Variants in RAI14 observed in about 807,000 individuals in gnomAD.
RAI14 encodes retinoic acid induced 14.
In RAI14, 45 loss-of-function variants were observed where a neutral mutation model predicts 115.4. That is an observed-to-expected ratio of 0.39 (90% CI 0.31 to 0.50). RAI14 has a LOEUF of 0.50. RAI14 is among the 20% of genes least tolerant of loss of function. RAI14 has a pLI of 0.85. For synonymous variants in RAI14, 371 were observed against 415.4 expected (o/e 0.89, Z 1.30); for missense variants, 939 against 1,131.2 (o/e 0.83, Z 2.44).
rs869028180 is a variant in RAI14, at chr5:34,750,848, A to ATTTTTTTTTTTTT, written c.37-6611_37-6599dup. Among the ~76,000 whole-genome samples the ATTTTTTTTTTTTT allele has an allele frequency of 5.6e-4, 47 of 83,612 alleles. 2 individuals carry two copies. Among genetic ancestry groups the ATTTTTTTTTTTTT allele is most frequent in the African/African-American group, 7.5e-4 (14 of 18,670 alleles). 54.9% of individuals were successfully genotyped at this position (83,612 alleles called of 152,430 possible). A position where few individuals can be genotyped will look rare whatever the true frequency, so the allele number is the denominator to read the frequency against. Reference sequence around the variant, plus strand: ...GACCTTATCCTTACTTTGCTTTATCATTTTTTTTTTTTTTTTTTTTTGAGG... The same window carrying ATTTTTTTTTTTTT: ...GACCTTATCCTTACTTTGCTTTATCATTTTTTTTTTTTTTTTTTTTTTTTTTTTTTTTTTGAGG... On this transcript the variant is annotated intron_variant, in intron 2 of 17. Transcript: ENST00000265109.
At chr5:34,739,833 G>A (rs1010625629) in intron 2 of RAI14, among the ~76,000 whole-genome samples, 3 of 151,980 alleles carry the variant, frequency 2.0e-5, no homozygotes, top group East Asian at 1.9e-4. Context: ...AGGCCGAGGC[G>A]GGCGGATCAC....
chr5:34,705,361 A>T (rs1740585011), intron 2 of RAI14, among the ~76,000 whole-genome samples: 1 of 152,202 alleles, frequency 6.6e-6, no homozygotes, highest in South Asian at 2.1e-4. Flanking sequence ...TGCTGAAATC[A>T]TCATATTTTG....
chr5:34,775,523 A>G (rs999553338), intron 3 of RAI14, among the ~76,000 whole-genome samples: 1 of 152,232 alleles, frequency 6.6e-6, no homozygotes, highest in Non-Finnish European at 1.5e-5. Flanking sequence ...GCTTTAGCCT[A>G]CGAGTTCAAG....
In RAI14 at chr5:34,829,156, C is replaced by A. The variant is rs184937890; in HGVS notation, c.2800-576C>A. Among the ~76,000 whole-genome samples the A allele has an allele frequency of 3.7e-4, 49 of 132,308 alleles. 1 individual carries two copies. In the East Asian group the frequency reaches 9.3e-3, roughly 25 times the overall value. The allele number at this position is 132,308 out of a possible 152,430, so 86.8% of individuals were successfully genotyped here. On this transcript the variant is annotated intron_variant, in intron 16 of 17. Transcript: ENST00000265109. ...ATACATATATACACACATATATAGA[C>A]ACACATACACACACACACACATACA...
At chr5:34,771,802 G>C (rs974904264) in intron 3 of RAI14, among the ~76,000 whole-genome samples, 6 of 152,018 alleles carry the variant, frequency 3.9e-5, no homozygotes, top group African/African-American at 1.5e-4. Flanking sequence ...TGAGAACACT[G>C]TTTGCTTTTT....
intron 2 of RAI14, among the ~76,000 whole-genome samples, chr5:34,694,796 A>G (rs1739020306): frequency 6.6e-6 from 1 of 152,194 alleles, no homozygotes; most frequent in Non-Finnish European, 1.5e-5. Flanking sequence ...GTATTTCCCA[A>G]TGCTGAGAAT....
chr5:34,799,515 C>G (rs1053742561), intron 4 of RAI14, among the ~76,000 whole-genome samples: 15 of 108,250 alleles, frequency 1.4e-4, no homozygotes, highest in East Asian at 4.7e-4. Context: ...CACACACACA[C>G]ACACACACAC....
intron 15 of RAI14, among the ~76,000 whole-genome samples, chr5:34,825,129 G>T (rs114599250): frequency 2.0e-5 from 3 of 152,034 alleles, no homozygotes; most frequent in Non-Finnish European, 4.4e-5. Context: ...TTAAAAATTA[G>T]CCAGGCATGG....
intron 1 of RAI14, among the ~76,000 whole-genome samples, chr5:34,660,108 C>T (rs931543247): frequency 6.6e-6 from 1 of 151,974 alleles, no homozygotes; most frequent in African/African-American, 2.4e-5. Flanking sequence ...TCCTGGATGT[C>T]AAGGCTGCAG....
At chr5:34,715,363 C>A (rs1331640470) in intron 2 of RAI14, among the ~76,000 whole-genome samples, 1 of 152,192 alleles carries the variant, frequency 6.6e-6, no homozygotes. Flanking sequence ...GATCCAGCAT[C>A]ATTTTGGGTC....
chr5:34,808,121 T>G (rs1428470178), intron 6 of RAI14, among the ~76,000 whole-genome samples: 1 of 152,244 alleles, frequency 6.6e-6, no homozygotes, highest in Non-Finnish European at 1.5e-5. Flanking sequence ...CTTTTTAAAC[T>G]AAGAGATATT....
At chr5:34,757,702 A>C (rs1460372625) in intron 3 of RAI14, 104 bp downstream of exon 3, 29 of 1,365,080 alleles carry the variant, frequency 2.1e-5, no homozygotes, top group Non-Finnish European at 2.8e-5. Flanking sequence ...CTCCCTCTCC[A>C]CTCCCATGTT....
intron 2 of RAI14, among the ~76,000 whole-genome samples, chr5:34,713,598 C>T (rs1401426935): frequency 6.6e-6 from 1 of 152,188 alleles, no homozygotes; most frequent in Non-Finnish European, 1.5e-5. Context: ...TAATGTCTCA[C>T]TGTGTTACTC....
At chr5:34,798,917 C>T (rs969539577) in intron 4 of RAI14, among the ~76,000 whole-genome samples, 4 of 152,186 alleles carry the variant, frequency 2.6e-5, no homozygotes, top group Non-Finnish European at 5.9e-5. Context: ...TCAGAGCTCC[C>T]GTCACTTCCT....
At chr5:34,668,163 G>A (rs910132595) in intron 1 of RAI14, among the ~76,000 whole-genome samples, 9 of 152,154 alleles carry the variant, frequency 5.9e-5, no homozygotes, top group Non-Finnish European at 1.0e-4. Context: ...GGAGGCTGAG[G>A]CAGGTGGATC....
At chr5:34,771,159 C>T (rs78590313) in intron 3 of RAI14, among the ~76,000 whole-genome samples, 2,524 of 152,262 alleles carry the variant, frequency 0.017, 83 homozygotes, top group African/African-American at 0.057. Context: ...CATTTCCTAA[C>T]CTCTCTGAGC....
rs776746319 is a variant in RAI14, at chr5:34,831,170, G to A, written c.*405G>A. Reference sequence around the variant, plus strand: ...TCGGGCAGTGCCATTCAGCACAGGAGAGCTCTTTTTGCCTTTGGCTTTCAA... The same window carrying A: ...TCGGGCAGTGCCATTCAGCACAGGAAAGCTCTTTTTGCCTTTGGCTTTCAA... On this transcript the variant is annotated 3_prime_UTR_variant, in exon 18 of 18. Coordinates refer to ENST00000265109, the MANE Select transcript of RAI14 (RefSeq NM_015577.3). 16 of 161,838 alleles carry A rather than the reference G, an allele frequency of 9.9e-5. No individual in the cohort carries two copies. The highest frequency in any genetic ancestry group is 1.9e-4 in the South Asian group (1 of 5,310). 10.0% of individuals were successfully genotyped at this position (161,838 alleles called of 1,614,324 possible). A position where few individuals can be genotyped will look rare whatever the true frequency, so the allele number is the denominator to read the frequency against.
chr5:34,753,797 C>G (rs1012384184), intron 2 of RAI14, among the ~76,000 whole-genome samples: 1 of 152,042 alleles, frequency 6.6e-6, no homozygotes, highest in Admixed American at 6.6e-5. Flanking sequence ...GCCTGTAGTC[C>G]CAGCTACTCG....
chr5:34,678,775 C>T (rs1744181387), intron 1 of RAI14, among the ~76,000 whole-genome samples: 1 of 152,178 alleles, frequency 6.6e-6, no homozygotes, highest in South Asian at 2.1e-4. Context: ...ACTGCAGACC[C>T]CTCTTCTGCA....
Sources: gnomAD v4.1 joint callset for allele counts (sites outside exome capture counted in the v4.1 genomes callset) on GRCh38, gnomAD v4.1.1 for gene constraint, MANE v1.5 for transcripts, NCBI Gene and HGNC (gene_info 2026-07-23, HGNC 2026-07-21) for gene names.